The following TKTL2 variants were observed in gnomAD, a reference collection of about 807,000 sequenced individuals.
TKTL2 encodes transketolase-like protein 2.
For missense variants in TKTL2, 825 were observed against 799.4 expected, an observed-to-expected ratio of 1.03 and a Z score of -0.39; for synonymous variants, 259 against 294.1, an observed-to-expected ratio of 0.88 and a Z score of 1.22.
In TKTL2 at chr4:163,473,347, A is replaced by C. The variant is rs1737206732; in HGVS notation, c.388T>G (p.Leu130Val). The C allele has an allele frequency of 6.2e-7, 1 of 1,613,912 alleles. No individual in the cohort carries two copies. The highest frequency in any genetic ancestry group is 1.7e-5 in the Admixed American group (1 of 59,978). Residue 130 changes from leucine (L) to valine (V), a missense_variant, in exon 1 of 1, where the codon TTA (leucine) becomes GTA (valine). By Grantham distance (32) the Leu-to-Val change is conservative (BLOSUM62 1). Transcript: ENST00000280605. ...DVATGSLGQG[L>V]GTACGMAYTG... ...TAAGCCATTCCACATGCAGTACCTA[A>C]TCCCTGACCTAGGGACCCTGTTGCC...
rs1737215798 is a variant in TKTL2 at position 163,473,676 on chromosome 4, G to A, written c.59C>T (p.Ala20Val). 9 of 1,613,904 alleles carry A rather than the reference G, an allele frequency of 5.6e-6. No homozygotes were observed. Among genetic ancestry groups the A allele is most frequent in the African/African-American group, 1.3e-5 (1 of 75,060 alleles). ...VKTVQVLRDT[A>V]NRLRIHSIRA... is the part of the protein sequence containing the mutation. ...GATGGAATGGATCCGCAGGCGGTTGGCTGTGTCCCGCAGCACCTGCACGGT... is the reference window on the plus strand; with the variant it reads ...GATGGAATGGATCCGCAGGCGGTTGACTGTGTCCCGCAGCACCTGCACGGT... Residue 20 changes from alanine (A) to valine (V), a missense_variant, in exon 1 of 1, where the codon GCC becomes GTC. Coordinates refer to ENST00000280605, the MANE Select transcript of TKTL2 (RefSeq NM_032136.5).
chr4:163,472,964 A>C lies in TKTL2; in HGVS notation c.771T>G (p.Asp257Glu). 14 of 1,614,098 alleles carry C rather than the reference A, an allele frequency of 8.7e-6. No individual in the cohort carries two copies. The highest frequency in any genetic ancestry group is 1.2e-5 in the Non-Finnish European group (14 of 1,180,024). ...FKGRGIPNIE[D>E]AENWHGKPVP... ...CTGGCTTTCCATGCCAATTTTCTGCATCCTCAATATTTGGAATACCCCGAC... is the reference window on the plus strand; with the variant it reads ...CTGGCTTTCCATGCCAATTTTCTGCCTCCTCAATATTTGGAATACCCCGAC... The change falls in exon 1 of 1, where the codon GAT becomes GAG. Residue 257 changes from aspartate (D) to glutamate (E), a missense_variant. Asp to Glu is a conservative substitution (Grantham distance 45). Coordinates refer to ENST00000280605, the MANE Select transcript of TKTL2 (RefSeq NM_032136.5).
chr4:163,472,531 C>G lies in TKTL2; in HGVS notation c.1204G>C (p.Asp402His), dbSNP rs752918470. Residue 402 changes from aspartate (D) to histidine (H), a missense_variant, in exon 1 of 1, where the codon GAT becomes CAT. Transcript: ENST00000280605. The part of the protein sequence containing the change: ...AFAAFFTRAF[D>H]QLRMGAISQA... ...GAAATGGCTCCCATTCGGAGCTGAT[C>G]GAATGCTCTAGTAAAAAAGGCAGCA... 1.9e-6 allele frequency: 3 copies of G among 1,614,084 alleles called. No individual in the cohort carries two copies. The highest frequency in any genetic ancestry group is 2.5e-6 in the Non-Finnish European group (3 of 1,180,022).
At position 163,472,198 on chromosome 4, in the gene TKTL2, C is replaced by T. The variant is rs1044935202; in HGVS notation, c.1537G>A (p.Gly513Arg). The stretch of plus-strand genomic sequence containing the variant: ...TCTAAGGCTTCATGGAGAGTAACTC[C>T]AGCTCCAATTACTGTGACTTTATCA... ...VNDKVTVIGA[G>R]VTLHEALEAA... is the part of the protein sequence containing the mutation. The change falls in exon 1 of 1, where the codon GGA (glycine) becomes AGA (arginine). Residue 513 changes from glycine (G) to arginine (R), a missense_variant. Transcript: ENST00000280605. 6.8e-6 allele frequency: 11 copies of T among 1,614,198 alleles called. No homozygotes were observed. The East Asian group carries it at 2.2e-4, about 33-fold the overall frequency.
chr4:163,473,073 T>A lies in TKTL2; in HGVS notation c.662A>T (p.Asp221Val), dbSNP rs956552804. ...GWNTYLVDGH[D>V]VEALCQAFWQ... is the part of the protein sequence containing the mutation. The stretch of plus-strand genomic sequence containing the variant: ...AAATGCTTGGCACAAGGCCTCCACA[T>A]CATGGCCATCCACTAAGTAAGTATT... The change falls in exon 1 of 1, where the codon GAT becomes GTT. Residue 221 changes from aspartate to valine, a missense_variant. Physicochemically the swap from Asp to Val is radical, Grantham distance 152. Transcript: ENST00000280605. 1.2e-6 allele frequency: 2 copies of A among 1,614,168 alleles called. No homozygotes were observed. The highest frequency in any genetic ancestry group is 1.7e-6 in the Non-Finnish European group (2 of 1,180,030).
chr4:163,471,812 G>C lies in TKTL2; in HGVS notation c.*42C>G, dbSNP rs970258503. The C allele has an allele frequency of 3.4e-6, 5 of 1,452,568 alleles. No individual in the cohort carries two copies. In the African/African-American group the frequency reaches 7.1e-5, roughly 21 times the overall value. 90.0% of individuals were successfully genotyped at this position (1,452,568 alleles called of 1,614,324 possible). A position where few individuals can be genotyped will look rare whatever the true frequency, so the allele number is the denominator to read the frequency against. ...TAATACAAAGATACCAGTGCTTTTGGGCCAAAGCCAATAGACTTGACTTTT... is the reference window on the plus strand; with the variant it reads ...TAATACAAAGATACCAGTGCTTTTGCGCCAAAGCCAATAGACTTGACTTTT... On this transcript the variant is annotated 3_prime_UTR_variant, in exon 1 of 1. Coordinates refer to ENST00000280605, the MANE Select transcript of TKTL2 (RefSeq NM_032136.5).
Position 163,473,001 on chromosome 4 carries a change from T to G in TKTL2, c.734A>C (p.Lys245Thr). The G allele has an allele frequency of 6.2e-7, 1 of 1,614,212 alleles. No individual in the cohort carries two copies. The highest frequency in any genetic ancestry group is 8.5e-7 in the Non-Finnish European group (1 of 1,180,036). Residue 245 changes from lysine (K) to threonine (T), a missense_variant, in exon 1 of 1, where the codon AAG becomes ACG. Coordinates refer to ENST00000280605, the MANE Select transcript of TKTL2 (RefSeq NM_032136.5). ...TGGAATACCCCGACCTTTGAAGGTC[T>G]TGGCAACTATAGCAGTAGGCTTGTT... is the stretch of plus-strand genomic sequence containing the variant. The part of the protein sequence containing the change: ...VKNKPTAIVA[K>T]TFKGRGIPNI...
rs775147166 is a variant in TKTL2 at position 163,472,364 on chromosome 4, C to T, written c.1371G>A (p.Ser457=). 4.4e-6 allele frequency: 7 copies of T among 1,600,148 alleles called. No individual in the cohort carries two copies. The East Asian group carries it at 1.1e-4, about 26-fold the overall frequency. ...CTVFYPSDAI[S]TEHAIYLAAN... ...CGGCTAGATAAATAGCATGCTCTGTCGAGATGGCATCACTTGGATAGAAAA... is the reference window on the plus strand; with the variant it reads ...CGGCTAGATAAATAGCATGCTCTGTTGAGATGGCATCACTTGGATAGAAAA... The change falls in exon 1 of 1, where the codon TCG becomes TCA. Residue 457 remains serine, a synonymous_variant. Transcript: ENST00000280605.
chr4:163,471,779 C>G lies in TKTL2; in HGVS notation c.*75G>C, dbSNP rs1479817568. 1 of 1,224,246 alleles carries G rather than the reference C, an allele frequency of 8.2e-7. No individual in the cohort carries two copies. Among genetic ancestry groups the G allele is most frequent in the Admixed American group, 2.7e-5 (1 of 37,384 alleles). 75.8% of individuals were successfully genotyped at this position (1,224,246 alleles called of 1,614,324 possible). ...TAAATAATGGTTTTGTGACAATAAA[C>G]ATGAATTTAATACAAAGATACCAGT... is the stretch of plus-strand genomic sequence containing the variant. On this transcript the variant is annotated 3_prime_UTR_variant, in exon 1 of 1. Transcript: ENST00000280605.
chr4:163,471,772 C>G lies in TKTL2; in HGVS notation c.*82G>C. 8.6e-7 allele frequency: 1 copy of G among 1,167,864 alleles called. No individual in the cohort carries two copies. The highest frequency in any genetic ancestry group is 1.2e-6 in the Non-Finnish European group (1 of 842,066). The allele number at this position is 1,167,864 out of a possible 1,614,324, so 72.3% of individuals were successfully genotyped here. ...ATAGGTATAAATAATGGTTTTGTGA[C>G]AATAAACATGAATTTAATACAAAGA... On this transcript the variant is annotated 3_prime_UTR_variant, in exon 1 of 1. Coordinates refer to ENST00000280605, the MANE Select transcript of TKTL2 (RefSeq NM_032136.5).
rs1416011187 is a variant in TKTL2, at chr4:163,473,457, AT to A, written c.277del (p.Ile93SerfsTer7). 31 of 1,613,960 alleles carry A rather than the reference AT, an allele frequency of 1.9e-5. No homozygotes were observed. Among genetic ancestry groups the A allele is most frequent in the Non-Finnish European group, 2.6e-5 (31 of 1,180,032 alleles). ...LYAAWVEVGDISESDLLNLRK... is the reference protein window; with the variant it reads ...LYAAWVEVGDXSESDLLNLRK... ...CAGGTTCAGCAAGTCAGATTCACTG[AT>A]GTCACCCACCTCCACCCAAGCAGCA... On this transcript the variant is annotated frameshift_variant, in exon 1 of 1. Coordinates refer to ENST00000280605, the MANE Select transcript of TKTL2 (RefSeq NM_032136.5). LOFTEE classifies it low-confidence loss of function (END_TRUNC).
Position 163,472,090 on chromosome 4 carries a change from T to A in TKTL2, c.1645A>T (p.Ile549Phe). 6.2e-7 allele frequency: 1 copy of A among 1,614,204 alleles called. No individual in the cohort carries two copies. Among genetic ancestry groups the A allele is most frequent in the East Asian group, 2.2e-5 (1 of 44,882 alleles). Reference protein sequence around the residue: ...FTIKPLDAATIISSAKATGGR... With the variant: ...FTIKPLDAATFISSAKATGGR... ...CCTGTGGCTTTTGCACTGGAGATGA[T>A]GGTGGCGGCATCCAGGGGTTTAATG... Residue 549 changes from isoleucine (I) to phenylalanine (F), a missense_variant, in exon 1 of 1, where the codon ATC (isoleucine) becomes TTC (phenylalanine). Transcript: ENST00000280605.
At position 163,471,877 on chromosome 4, in the gene TKTL2, C is replaced by T. The variant is rs145457799; in HGVS notation, c.1858G>A (p.Val620Ile). The T allele has an allele frequency of 4.4e-4, 666 of 1,525,730 alleles. No individual in the cohort carries two copies. The highest frequency in any genetic ancestry group is 5.2e-4 in the Non-Finnish European group (592 of 1,136,972). 94.5% of individuals were successfully genotyped at this position (1,525,730 alleles called of 1,614,324 possible). Residue 620 changes from valine (V) to isoleucine (I), a missense_variant, in exon 1 of 1, where the codon GTA becomes ATA. Val to Ile is a conservative substitution (Grantham distance 29, BLOSUM62 3). Transcript: ENST00000280605. Reference sequence around the variant, plus strand: ...GTTTACTTCATTAAAGTAAGTGTTACGGCTGCTATAATGTGTCTGGTACTG... The same window carrying T: ...GTTTACTTCATTAAAGTAAGTGTTATGGCTGCTATAATGTGTCTGGTACTG... Reference protein sequence around the residue: ...GISTRHIIAAVTLTLMK With the variant: ...GISTRHIIAAITLTLMK
In TKTL2 at chr4:163,473,237, C is replaced by A. The variant is rs754271973; in HGVS notation, c.498G>T (p.Glu166Asp). The A allele has an allele frequency of 1.9e-6, 3 of 1,613,970 alleles. No homozygotes were observed. The highest frequency in any genetic ancestry group is 1.1e-5 in the South Asian group (1 of 91,072). ...TGTAGTGGGAGGCAAAAGCAAAAGC[C>A]TCCCACACAGAGCCTTCTGAGGATT... ...DGESSEGSVW[E>D]AFAFASHYNL... Residue 166 changes from glutamate (E) to aspartate (D), a missense_variant, in exon 1 of 1, where the codon GAG (glutamate) becomes GAT (aspartate). Glu to Asp is a conservative substitution (Grantham distance 45). Coordinates refer to ENST00000280605, the MANE Select transcript of TKTL2 (RefSeq NM_032136.5).
chr4:163,472,975 T>C lies in TKTL2; in HGVS notation c.760A>G (p.Asn254Asp), dbSNP rs747588875. Residue 254 changes from asparagine (N) to aspartate (D), a missense_variant, in exon 1 of 1, where the codon AAT becomes GAT. By Grantham distance (23) the Asn-to-Asp change is conservative. Coordinates refer to ENST00000280605, the MANE Select transcript of TKTL2 (RefSeq NM_032136.5). The part of the protein sequence containing the change: ...AKTFKGRGIP[N>D]IEDAENWHGK... ...TGCCAATTTTCTGCATCCTCAATAT[T>C]TGGAATACCCCGACCTTTGAAGGTC... is the stretch of plus-strand genomic sequence containing the variant. 6 of 1,614,048 alleles carry C rather than the reference T, an allele frequency of 3.7e-6. No individual in the cohort carries two copies. Among genetic ancestry groups the C allele is most frequent in the Non-Finnish European group, 5.1e-6 (6 of 1,180,034 alleles).
In TKTL2 at chr4:163,471,329, A is replaced by G. The variant is rs1243388597; in HGVS notation, c.*525T>C. ...CTGCACCATCACCTCCAAACTGTAGAGGAGAGATGAAGGCAAACTTTGGAG... is the reference window on the plus strand; with the variant it reads ...CTGCACCATCACCTCCAAACTGTAGGGGAGAGATGAAGGCAAACTTTGGAG... On this transcript the variant is annotated 3_prime_UTR_variant, in exon 1 of 1. Transcript: ENST00000280605. 6.6e-6 allele frequency: 1 copy of G among 152,316 alleles called. No homozygotes were observed. Among genetic ancestry groups the G allele is most frequent in the African/African-American group, 2.4e-5 (1 of 41,458 alleles). 9.4% of individuals were successfully genotyped at this position (152,316 alleles called of 1,614,324 possible). A position where few individuals can be genotyped will look rare whatever the true frequency, so the allele number is the denominator to read the frequency against.
Position 163,473,076 on chromosome 4 carries a change from T to C in TKTL2, c.659A>G (p.His220Arg), listed in dbSNP as rs368537868. 9.9e-6 allele frequency: 16 copies of C among 1,614,076 alleles called. No homozygotes were observed. Among genetic ancestry groups the C allele is most frequent in the African/African-American group, 9.3e-5 (7 of 74,936 alleles). ...FGWNTYLVDG[H>R]DVEALCQAFW... The stretch of plus-strand genomic sequence containing the variant: ...TGCTTGGCACAAGGCCTCCACATCA[T>C]GGCCATCCACTAAGTAAGTATTCCA... Residue 220 changes from histidine to arginine, a missense_variant, in exon 1 of 1, where the codon CAT (histidine) becomes CGT (arginine). Coordinates refer to ENST00000280605, the MANE Select transcript of TKTL2 (RefSeq NM_032136.5).
chr4:163,471,897 G>T lies in TKTL2; in HGVS notation c.1838C>A (p.Thr613Asn). The T allele has an allele frequency of 6.3e-7, 1 of 1,575,136 alleles. No homozygotes were observed. Among genetic ancestry groups the T allele is most frequent in the African/African-American group, 1.4e-5 (1 of 74,036 alleles). Residue 613 changes from threonine (T) to asparagine (N), a missense_variant, in exon 1 of 1, where the codon ACC becomes AAC. Coordinates refer to ENST00000280605, the MANE Select transcript of TKTL2 (RefSeq NM_032136.5). ...TGTTACGGCTGCTATAATGTGTCTG[G>T]TACTGATTCCAAACATATCCAGCAA... ...SELLDMFGIS[T>N]RHIIAAVTLT...
In TKTL2 at chr4:163,472,477, G is replaced by T; in HGVS notation, c.1258C>A (p.His420Asn). 6.2e-7 allele frequency: 1 copy of T among 1,614,170 alleles called. No homozygotes were observed. Residue 420 changes from histidine (H) to asparagine (N), a missense_variant, in exon 1 of 1, where the codon CAC (histidine) becomes AAC (asparagine). Coordinates refer to ENST00000280605, the MANE Select transcript of TKTL2 (RefSeq NM_032136.5). ...SQANINLIGS[H>N]CGVSTGEDGV... ...TCTTCTCCAGTGGATACCCCACAGT[G>T]GGAACCAATAAGGTTGATATTGGCT...
Sources: allele counts gnomAD v4.1 joint callset, GRCh38; gene constraint gnomAD v4.1.1; transcripts MANE v1.5; gene names NCBI Gene and HGNC (gene_info 2026-07-23, HGNC 2026-07-21).